Variants in SRD5A2 observed in about 807,000 individuals in gnomAD.
SRD5A2 encodes the protein steroid 5 alpha-reductase 2, also known as 3-oxo-5-alpha-steroid 4-dehydrogenase 2.
A neutral mutation model predicts 27.4 loss-of-function variants in SRD5A2; 30 were observed. That is an observed-to-expected ratio of 1.10 (90% CI 0.82 to 1.49). SRD5A2 has a LOEUF of 1.49. Ranked by LOEUF, SRD5A2 falls within the 40% of genes most tolerant of loss-of-function variation. The probability of loss-of-function intolerance (pLI) is 0.00; values close to 1 mark genes in which losing one functional copy is unlikely to be tolerated. For synonymous variants in SRD5A2, 141 were observed against 133.6 expected, an observed-to-expected ratio of 1.06 and a Z score of -0.38; for missense variants, 348 against 323.4, an observed-to-expected ratio of 1.08 and a Z score of -0.58.
chr2:31,635,720 G>T, the SRD5A2 span, among the ~76,000 whole-genome samples: 1 of 151,882 alleles, frequency 6.6e-6, no homozygotes, highest in South Asian at 2.1e-4. Flanking sequence ...AATACATTTT[G>T]ATTTAAATTT....
rs9332975 is a variant in SRD5A2, at chr2:31,525,347, T to C, written c.*849A>G. 0.13 allele frequency: 29,846 copies of C among 226,138 alleles called. 2,248 individuals carry two copies. Among genetic ancestry groups the C allele is most frequent in the Middle Eastern group, 0.21 (154 of 750 alleles). The allele number at this position is 226,138 out of a possible 1,614,324, so 14.0% of individuals were successfully genotyped here. ...CTACTCATTATTTGGATATTGCCAC[T>C]AGTTTCCAAAAACATGAGAGTTTGC... On this transcript the variant is annotated 3_prime_UTR_variant, in exon 5 of 5. Coordinates refer to ENST00000622030, the MANE Select transcript of SRD5A2 (RefSeq NM_000348.4).
chr2:31,572,322 G>A (rs1028946521), intron 1 of SRD5A2, among the ~76,000 whole-genome samples: 34 of 152,178 alleles, frequency 2.2e-4, no homozygotes, highest in African/African-American at 7.5e-4. Flanking sequence ...GATGGAAGGA[G>A]GGTGATGATT....
At chr2:31,564,681 G>A (rs554382373) in intron 1 of SRD5A2, among the ~76,000 whole-genome samples, 2 of 152,066 alleles carry the variant, frequency 1.3e-5, no homozygotes, top group Admixed American at 6.5e-5. Context: ...CAGAGGACAA[G>A]GATAAGGGCA....
intron 1 of SRD5A2, among the ~76,000 whole-genome samples, chr2:31,560,799 A>G (rs991531824): frequency 7.9e-5 from 12 of 152,070 alleles, no homozygotes; most frequent in Admixed American, 3.3e-4. Context: ...CTTGTCACAC[A>G]TTACTTCAAG....
chr2:31,568,444 A>C (rs1259267668), intron 1 of SRD5A2, among the ~76,000 whole-genome samples: 1 of 152,182 alleles, frequency 6.6e-6, no homozygotes, highest in Non-Finnish European at 1.5e-5. Context: ...CAAAGTGGGC[A>C]GTTCCTTCCC....
At chr2:31,610,991 C>A in the SRD5A2 span, among the ~76,000 whole-genome samples, 1 of 152,038 alleles carries the variant, frequency 6.6e-6, no homozygotes, top group Non-Finnish European at 1.5e-5. Context: ...CACCTGTAAT[C>A]CCAGCTACTC....
the SRD5A2 span, among the ~76,000 whole-genome samples, chr2:31,654,753 G>A: frequency 6.6e-6 from 1 of 152,174 alleles, no homozygotes; most frequent in African/African-American, 2.4e-5. Flanking sequence ...AAAACACTCT[G>A]ATCTGATGCC....
the SRD5A2 span, among the ~76,000 whole-genome samples, chr2:31,657,308 A>C: frequency 6.6e-6 from 1 of 152,242 alleles, no homozygotes; most frequent in African/African-American, 2.4e-5. Context: ...TTTTCCATAC[A>C]TCTAAAATTA....
At position 31,547,789 on chromosome 2, in the gene SRD5A2, T is replaced by C. The variant is rs28745292; in HGVS notation, c.282-14023A>G. ...GCTTACAGATGATCTGTTATGAAAC[T>C]TCTCAGCCTACATAATCAAGTGAGT... On this transcript the variant is annotated intron_variant, in intron 1 of 4. Coordinates refer to ENST00000622030, the MANE Select transcript of SRD5A2 (RefSeq NM_000348.4). 8.2e-3 allele frequency among the ~76,000 whole-genome samples: 1,255 copies of C among 152,250 alleles called. 18 individuals carry two copies. Among genetic ancestry groups the C allele is most frequent in the Non-Finnish European group, 0.012 (848 of 68,018 alleles).
chr2:31,547,543 C>T (rs1666286826), intron 1 of SRD5A2, among the ~76,000 whole-genome samples: 1 of 152,174 alleles, frequency 6.6e-6, no homozygotes, highest in African/African-American at 2.4e-5. Flanking sequence ...TTCATTTCTT[C>T]TACCCTTTTC....
the SRD5A2 span, among the ~76,000 whole-genome samples, chr2:31,643,120 A>AT: frequency 6.6e-6 from 1 of 152,144 alleles, no homozygotes. Flanking sequence ...GCAAGCATTC[A>AT]TAAAAATTCA....
the SRD5A2 span, among the ~76,000 whole-genome samples, chr2:31,647,036 T>C: frequency 6.6e-6 from 1 of 151,888 alleles, no homozygotes; most frequent in African/African-American, 2.4e-5. Flanking sequence ...TTCCAGCTAC[T>C]TGGCAGGCTG....
At chr2:31,533,433 G>A (rs1558357678) in intron 2 of SRD5A2, among the ~76,000 whole-genome samples, 170 bp downstream of exon 2, 1 of 152,196 alleles carries the variant, frequency 6.6e-6, no homozygotes, top group Non-Finnish European at 1.5e-5. Context: ...CATGATATGT[G>A]TTTAAACAAT....
chr2:31,522,641 A>C lies in SRD5A2; in HGVS notation c.*3555T>G, dbSNP rs1386299701. 1 of 218,636 alleles carries C rather than the reference A, an allele frequency of 4.6e-6. No individual in the cohort carries two copies. Among genetic ancestry groups the C allele is most frequent in the Non-Finnish European group, 9.2e-6 (1 of 108,968 alleles). The allele number at this position is 218,636 out of a possible 1,614,324, so 13.5% of individuals were successfully genotyped here. ...GAATAAACAAATGTCTTACTTAGAA[A>C]TTAAATCCACTCGATGGCTTATTAA... is the stretch of plus-strand genomic sequence containing the variant. On this transcript the variant is annotated 3_prime_UTR_variant, in exon 5 of 5. Coordinates refer to ENST00000622030, the MANE Select transcript of SRD5A2 (RefSeq NM_000348.4).
chr2:31,656,392 G>C, the SRD5A2 span, among the ~76,000 whole-genome samples: 1 of 152,042 alleles, frequency 6.6e-6, no homozygotes, highest in South Asian at 2.1e-4. Context: ...CTTTAAAAAT[G>C]CCTCAGAATC....
the SRD5A2 span, among the ~76,000 whole-genome samples, chr2:31,590,250 A>G: frequency 6.7e-6 from 1 of 148,154 alleles, no homozygotes; most frequent in African/African-American, 2.5e-5. Flanking sequence ...CCCGCTCATC[A>G]CCTGAGAAAC....
intron 4 of SRD5A2, among the ~76,000 whole-genome samples, chr2:31,529,016 T>C (rs1196137791): frequency 6.6e-6 from 1 of 152,232 alleles, no homozygotes; most frequent in African/African-American, 2.4e-5. Flanking sequence ...CTGGACAGCC[T>C]TCTTCAACAA....
intron 1 of SRD5A2, among the ~76,000 whole-genome samples, chr2:31,541,536 C>A (rs2366061): frequency 1 from 152,283 of 152,288 alleles, 76,139 homozygotes; most frequent in Middle Eastern, 1. Flanking sequence ...CCAAACTGAA[C>A]CTTGCAACAA....
At chr2:31,550,892 GA>G (rs1666369559) in intron 1 of SRD5A2, among the ~76,000 whole-genome samples, 1 of 151,756 alleles carries the variant, frequency 6.6e-6, no homozygotes, top group African/African-American at 2.4e-5. Context: ...AATAAGGTAA[GA>G]AAAAAATTTA....
Sources: gnomAD v4.1 joint callset for allele counts (sites outside exome capture counted in the v4.1 genomes callset) on GRCh38, gnomAD v4.1.1 for gene constraint, MANE v1.5 for transcripts, NCBI Gene and HGNC (gene_info 2026-07-23, HGNC 2026-07-21) for gene names.